Variants in SCOC observed in about 807,000 individuals in gnomAD.
SCOC encodes short coiled-coil protein.
In SCOC, 7 loss-of-function variants were observed where a neutral mutation model predicts 9.9. The observed-to-expected ratio is 0.71, with a 90% CI of 0.40 to 1.33. The LOEUF (loss-of-function observed/expected upper bound fraction) is 1.33. Among genes scored for constraint, SCOC ranks in the 40% most tolerant of loss-of-function variants. The probability of loss-of-function intolerance (pLI) is 0.01; values close to 1 mark genes in which losing one functional copy is unlikely to be tolerated. For synonymous variants in SCOC, 19 were observed against 28.2 expected (o/e 0.67, Z 1.03); for missense variants, 66 against 89.7 (o/e 0.74, Z 1.07).
At chr4:140,295,847 C>A (rs1293798834) in intron 1 of SCOC, among the ~76,000 whole-genome samples, 6 of 144,796 alleles carry the variant, frequency 4.1e-5, no homozygotes, top group Admixed American at 1.4e-4. Context: ...AGGAGAATGG[C>A]GTGAACCCGG....
intron 1 of SCOC, among the ~76,000 whole-genome samples, chr4:140,331,179 T>C (rs1027772946): frequency 6.6e-6 from 1 of 152,186 alleles, no homozygotes; most frequent in African/African-American, 2.4e-5. Context: ...ATTTTCTTAA[T>C]CTAATATAAA....
upstream of SCOC, among the ~76,000 whole-genome samples, chr4:140,369,757 T>A (rs1182601886): frequency 1.3e-5 from 2 of 151,894 alleles, no homozygotes; most frequent in African/African-American, 4.8e-5. Context: ...AATATTCACA[T>A]AGTCCAGGTC....
chr4:140,326,825 C>G (rs1293025840), intron 1 of SCOC, among the ~76,000 whole-genome samples: 2 of 152,132 alleles, frequency 1.3e-5, no homozygotes, highest in Admixed American at 1.3e-4. Flanking sequence ...AGAACTGGAG[C>G]CCCAGTAAAG....
intron 2 of SCOC, among the ~76,000 whole-genome samples, chr4:140,365,171 G>GC (rs2126565750): frequency 3.9e-5 from 1 of 25,788 alleles, no homozygotes; most frequent in African/African-American, 2.5e-4. Context: ...TATGGATATG[G>GC]CAAAAAAAAA....
In SCOC at chr4:140,270,628, C is replaced by T. The variant is rs151325997; in HGVS notation, c.-19+13218C>T. Among the ~76,000 whole-genome samples the T allele has an allele frequency of 2.6e-5, 4 of 152,236 alleles. No individual in the cohort carries two copies. In the East Asian group the frequency reaches 7.7e-4, roughly 29 times the overall value. Reference sequence around the variant, plus strand: ...CTACCCCTCATTGCCTGCTACCTGGCCCTGGCAATGACTAGGATACAGGAC... The same window carrying T: ...CTACCCCTCATTGCCTGCTACCTGGTCCTGGCAATGACTAGGATACAGGAC... On this transcript the variant is annotated intron_variant, in intron 1 of 4. Transcript: ENST00000394205.
intron 1 of SCOC, chr4:140,293,547 C>A (rs2126439223): frequency 2.7e-6 from 1 of 374,848 alleles, no homozygotes; most frequent in African/African-American, 2.1e-5. Context: ...TTGCAATGGA[C>A]CACAGTGCAG....
chr4:140,268,949 G>A (rs376655727), intron 1 of SCOC, among the ~76,000 whole-genome samples: 5 of 152,272 alleles, frequency 3.3e-5, no homozygotes, highest in East Asian at 1.9e-4. Context: ...TGCACTAGGC[G>A]ATTCTGACGG....
chr4:140,327,391 G>A (rs1732679937), intron 1 of SCOC, among the ~76,000 whole-genome samples: 1 of 152,016 alleles, frequency 6.6e-6, no homozygotes, highest in East Asian at 1.9e-4. Context: ...GAACTATATG[G>A]AGCTCTCTAA....
At chr4:140,282,567 A>T (rs1731125918) in intron 1 of SCOC, among the ~76,000 whole-genome samples, 1 of 152,198 alleles carries the variant, frequency 6.6e-6, no homozygotes, top group African/African-American at 2.4e-5. Context: ...TATTAGACAG[A>T]TGCACAGAGA....
chr4:140,297,270 G>T (rs1425659915), intron 1 of SCOC, among the ~76,000 whole-genome samples: 7 of 5,236 alleles, frequency 1.3e-3, no homozygotes, highest in South Asian at 0.014. Context: ...TGGTGACTGT[G>T]GGGGGGGGGG....
At chr4:140,287,544 ACAT>A (rs1731325380) in intron 1 of SCOC, among the ~76,000 whole-genome samples, 1 of 151,992 alleles carries the variant, frequency 6.6e-6, no homozygotes, top group Admixed American at 6.6e-5. Flanking sequence ...CACTACACAC[ACAT>A]CATGTACACA....
intron 1 of SCOC, among the ~76,000 whole-genome samples, chr4:140,323,066 G>T (rs763038588): frequency 9.9e-5 from 15 of 152,122 alleles, no homozygotes; most frequent in Non-Finnish European, 1.5e-5. Context: ...GATATAGTTT[G>T]GATGTTTGTC....
At chr4:140,287,378 TAG>T (rs1731315714) in intron 1 of SCOC, among the ~76,000 whole-genome samples, 1 of 148,016 alleles carries the variant, frequency 6.8e-6, no homozygotes, top group Non-Finnish European at 1.5e-5. Context: ...CACGAACATG[TAG>T]AAACCATAGA....
At chr4:140,286,652 C>A (rs1381122091) in intron 1 of SCOC, among the ~76,000 whole-genome samples, 2 of 152,244 alleles carry the variant, frequency 1.3e-5, no homozygotes, top group East Asian at 1.9e-4. Context: ...CCGTTCCTCA[C>A]GTGCACATGG....
intron 1 of SCOC, among the ~76,000 whole-genome samples, chr4:140,337,393 G>A (rs1186555428): frequency 1.3e-5 from 2 of 152,084 alleles, no homozygotes; most frequent in Admixed American, 6.6e-5. Context: ...GAAAAATAAA[G>A]TTGGAGTACT....
chr4:140,258,879 T>C (rs939611114), intron 1 of SCOC, among the ~76,000 whole-genome samples: 11 of 152,256 alleles, frequency 7.2e-5, no homozygotes, highest in African/African-American at 2.7e-4. Context: ...AATTGATCTA[T>C]CATCCATGAA....
intron 1 of SCOC, among the ~76,000 whole-genome samples, chr4:140,287,084 CAT>C (rs1331774475): frequency 6.6e-6 from 1 of 152,056 alleles, no homozygotes; most frequent in African/African-American, 2.4e-5. Flanking sequence ...AGACCATGCA[CAT>C]ATAGATACCA....
chr4:140,283,468 T>A (rs1267754924), intron 1 of SCOC, among the ~76,000 whole-genome samples: 1 of 152,324 alleles, frequency 6.6e-6, no homozygotes, highest in African/African-American at 2.4e-5. Flanking sequence ...CATTTTTTTT[T>A]TAAATGTCCT....
rs996687653 is a variant in SCOC at position 140,308,631 on chromosome 4, C to T, written c.-18-34990C>T. On this transcript the variant is annotated intron_variant, in intron 1 of 4. Coordinates refer to the SCOC transcript ENST00000394205. ...AGCCACGTGGCAGCCTGCAGCTTGCCGGCTTGTCTGTGCACGCACGCTCAT... is the reference window on the plus strand; with the variant it reads ...AGCCACGTGGCAGCCTGCAGCTTGCTGGCTTGTCTGTGCACGCACGCTCAT... 3.3e-5 allele frequency among the ~76,000 whole-genome samples: 5 copies of T among 152,146 alleles called. No homozygotes were observed. In the South Asian group the frequency reaches 6.2e-4, roughly 19 times the overall value.
Sources: allele counts gnomAD v4.1 joint callset (sites outside exome capture counted in the v4.1 genomes callset), GRCh38; gene constraint gnomAD v4.1.1; transcripts MANE v1.5; gene names NCBI Gene and HGNC (gene_info 2026-07-23, HGNC 2026-07-21).